The following FANCB variants were observed in gnomAD, a reference collection of about 807,000 sequenced individuals.
FANCB encodes the protein FA complementation group B, also known as Fanconi anemia group B protein.
A neutral mutation model predicts 38.9 loss-of-function variants in FANCB; 5 were observed. That is an observed-to-expected ratio of 0.13 (90% CI 0.07 to 0.27). The LOEUF (loss-of-function observed/expected upper bound fraction) is 0.27, where lower values mean the gene tolerates loss of function less well. FANCB is among the 10% of genes least tolerant of loss of function. FANCB has a pLI of 1.00. For synonymous variants in FANCB, 236 were observed against 215.4 expected (o/e 1.10, Z -0.84); for missense variants, 573 against 602.7 (o/e 0.95, Z 0.52).
the FANCB span, among the ~76,000 whole-genome samples, chrX:14,776,133 G>A: frequency 2.8e-5 from 3 of 109,045 alleles, no homozygotes; most frequent in Non-Finnish European, 5.7e-5. Context: ...GTGGGGGAAG[G>A]GGAGGAGGAG....
chrX:14,753,350 T>G, the FANCB span, among the ~76,000 whole-genome samples: 1 of 112,325 alleles, frequency 8.9e-6, no homozygotes, highest in African/African-American at 3.2e-5. Context: ...TTAATGATAC[T>G]GACATTTTGG....
chrX:14,774,681 G>T, the FANCB span, among the ~76,000 whole-genome samples: 96 of 112,295 alleles, frequency 8.5e-4, 1 homozygote, highest in African/African-American at 3.1e-3. Flanking sequence ...CAGAGGAAAA[G>T]TACAAATGTT....
intron 2 of FANCB, among the ~76,000 whole-genome samples, chrX:14,867,261 C>A (rs2092473492): frequency 1.8e-5 from 2 of 111,123 alleles, no homozygotes; most frequent in Admixed American, 1.9e-4. Context: ...CCACAAAAGA[C>A]CCCTAATAGC....
chrX:14,834,549 G>A, downstream of FANCB: 1 of 506,738 alleles, frequency 2.0e-6, no homozygotes, highest in East Asian at 3.5e-5. Context: ...TCACATAACT[G>A]ATGAACTTGG....
the FANCB span, among the ~76,000 whole-genome samples, chrX:14,830,541 C>T: frequency 5.4e-5 from 6 of 111,818 alleles, no homozygotes; most frequent in East Asian, 1.4e-3. Context: ...AAACTAAGTC[C>T]AACTGACAAT....
rs537421159 is a variant in FANCB, at chrX:14,854,009, T to G, written c.1198-842A>C. ...AAATGCATCATTATTTGGGATTCTT[T>G]TCTTTTAAATTACATTTCAAAGCAA... is the stretch of plus-strand genomic sequence containing the variant. On this transcript the variant is annotated intron_variant, in intron 5 of 9. Transcript: ENST00000650831. Among the ~76,000 whole-genome samples, 4 of 112,910 alleles carry G rather than the reference T, an allele frequency of 3.5e-5. No individual in the cohort carries two copies. In the South Asian group the frequency reaches 1.1e-3, roughly 30 times the overall value.
At chrX:14,830,081 G>T in the FANCB span, among the ~76,000 whole-genome samples, 1 of 111,452 alleles carries the variant, frequency 9.0e-6, no homozygotes, top group Non-Finnish European at 1.9e-5. Flanking sequence ...GTGTATCGGG[G>T]AATAGGAATG....
the FANCB span, among the ~76,000 whole-genome samples, chrX:14,709,909 A>G: frequency 8.9e-6 from 1 of 112,119 alleles, no homozygotes; most frequent in African/African-American, 3.2e-5. Flanking sequence ...GCTTACCAAC[A>G]TCATTCAAAT....
At chrX:14,831,987 A>C (rs2092328619), downstream of FANCB, among the ~76,000 whole-genome samples, 1 of 111,977 alleles carries the variant, frequency 8.9e-6, no homozygotes, top group Non-Finnish European at 1.9e-5. Flanking sequence ...GTCCCCTGGA[A>C]ACATCATGGT....
chrX:14,821,600 A>T, the FANCB span, among the ~76,000 whole-genome samples: 1 of 112,013 alleles, frequency 8.9e-6, no homozygotes, highest in African/African-American at 3.2e-5. Flanking sequence ...GACATATATA[A>T]CCTAGTTATT....
the FANCB span, among the ~76,000 whole-genome samples, chrX:14,819,641 A>G: frequency 8.9e-6 from 1 of 111,968 alleles, no homozygotes; most frequent in Non-Finnish European, 1.9e-5. Context: ...CACATATTTT[A>G]TAGGAAAAAG....
chrX:14,695,237 A>G, the FANCB span, among the ~76,000 whole-genome samples: 1 of 111,755 alleles, frequency 8.9e-6, no homozygotes, highest in Non-Finnish European at 1.9e-5. Flanking sequence ...AAAAAGGAAC[A>G]AAGGAAATGG....
chrX:14,748,326 A>G, the FANCB span, among the ~76,000 whole-genome samples: 2 of 111,748 alleles, frequency 1.8e-5, no homozygotes, highest in African/African-American at 6.5e-5. Flanking sequence ...GCCAACAGCC[A>G]TATTCTCCAC....
At chrX:14,702,652 T>C in the FANCB span, among the ~76,000 whole-genome samples, 1 of 111,500 alleles carries the variant, frequency 9.0e-6, no homozygotes, top group African/African-American at 3.3e-5. Flanking sequence ...TTATCTACAC[T>C]TCTGTAGGTC....
At chrX:14,738,871 A>G in the FANCB span, among the ~76,000 whole-genome samples, 1 of 112,367 alleles carries the variant, frequency 8.9e-6, no homozygotes, top group African/African-American at 3.2e-5. Context: ...GATTAAATGA[A>G]TATCATTTTA....
chrX:14,809,249 C>T, the FANCB span, among the ~76,000 whole-genome samples: 4 of 112,512 alleles, frequency 3.6e-5, no homozygotes, highest in East Asian at 5.6e-4. Context: ...CCAGCGTGAG[C>T]GACACAGAAG....
the FANCB span, among the ~76,000 whole-genome samples, chrX:14,719,639 G>A: frequency 1.8e-5 from 2 of 111,963 alleles, no homozygotes; most frequent in African/African-American, 6.5e-5. Context: ...ATGGAAAACA[G>A]TATAGCTCAA....
At chrX:14,786,795 G>A in the FANCB span, among the ~76,000 whole-genome samples, 1 of 111,187 alleles carries the variant, frequency 9.0e-6, no homozygotes, top group Non-Finnish European at 1.9e-5. Context: ...GAACACTATG[G>A]TATCAGCCTT....
chrX:14,783,265 T>G, the FANCB span, among the ~76,000 whole-genome samples: 1 of 112,296 alleles, frequency 8.9e-6, no homozygotes. Context: ...CAGTATCAGT[T>G]GAATTCATAG....
Sources: allele counts gnomAD v4.1 joint callset (sites outside exome capture counted in the v4.1 genomes callset), GRCh38; gene constraint gnomAD v4.1.1; transcripts MANE v1.5; gene names NCBI Gene and HGNC (gene_info 2026-07-23, HGNC 2026-07-21).